Variants in ST6GALNAC5 observed in about 807,000 individuals in gnomAD.
The protein encoded by ST6GALNAC5 is alpha-N-acetylgalactosaminide alpha-2,6-sialyltransferase 5.
In ST6GALNAC5, 27 loss-of-function variants were observed where a neutral mutation model predicts 33.6. That is an observed-to-expected ratio of 0.80 (90% CI 0.59 to 1.11). ST6GALNAC5 has a LOEUF of 1.11. Among genes scored for constraint, ST6GALNAC5 ranks in the 50% least tolerant of loss-of-function variants. The probability of loss-of-function intolerance (pLI) is 0.00; values close to 1 mark genes in which losing one functional copy is unlikely to be tolerated. For missense variants in ST6GALNAC5, 428 were observed against 454.0 expected (o/e 0.94, Z 0.52); for synonymous variants, 194 against 171.2 (o/e 1.13, Z -1.04).
chr1:76,909,586 T>C (rs933305347), intron 2 of ST6GALNAC5, among the ~76,000 whole-genome samples: 2 of 151,950 alleles, frequency 1.3e-5, no homozygotes, highest in South Asian at 4.1e-4. Flanking sequence ...TCTAGTAAAA[T>C]TGTTGCAAAA....
intron 2 of ST6GALNAC5, among the ~76,000 whole-genome samples, chr1:76,973,295 G>T (rs1316298696): frequency 6.6e-6 from 1 of 151,952 alleles, no homozygotes; most frequent in Non-Finnish European, 1.5e-5. Context: ...AAGGAGTTTG[G>T]AAAGGCCAAA....
chr1:76,930,118 T>C (rs2100308451), intron 2 of ST6GALNAC5, among the ~76,000 whole-genome samples: 1 of 152,278 alleles, frequency 6.6e-6, no homozygotes, highest in East Asian at 1.9e-4. Context: ...GGCACATTGC[T>C]TCACTTCAAA....
chr1:76,974,840 T>C (rs116080761), intron 2 of ST6GALNAC5, among the ~76,000 whole-genome samples: 1,499 of 124,794 alleles, frequency 0.012, 28 homozygotes, highest in African/African-American at 0.042. Context: ...TGGAGTGCAA[T>C]AACGTGATCT....
At chr1:77,001,791 T>C (rs1650177949) in intron 2 of ST6GALNAC5, among the ~76,000 whole-genome samples, 3 of 149,216 alleles carry the variant, frequency 2.0e-5, no homozygotes, top group Non-Finnish European at 4.5e-5. Context: ...CTGGATTACA[T>C]TTATTTATTT....
At chr1:77,034,803 G>A (rs2100452128) in intron 2 of ST6GALNAC5, among the ~76,000 whole-genome samples, 1 of 152,254 alleles carries the variant, frequency 6.6e-6, no homozygotes, top group African/African-American at 2.4e-5. Context: ...ACACTTCTAG[G>A]TTGCAACTTA....
Position 77,044,273 on chromosome 1 carries a change from G to A in ST6GALNAC5, c.331G>A (p.Gly111Ser). Residue 111 changes from glycine (G) to serine (S), a missense_variant, in exon 3 of 5, where the codon GGC (glycine) becomes AGC (serine). Coordinates refer to ENST00000477717, the MANE Select transcript of ST6GALNAC5 (RefSeq NM_030965.3). ...SSGHLLHSRQ[G>S]SQIDQTECVI... ...AGGGCATCTGCTGCACAGTCGGCAA[G>A]GCTCCCAGATTGACCAGACAGAGTG... is the stretch of plus-strand genomic sequence containing the variant. The A allele has an allele frequency of 6.2e-6, 10 of 1,613,974 alleles. No homozygotes were observed. Among genetic ancestry groups the A allele is most frequent in the Non-Finnish European group, 8.5e-6 (10 of 1,180,024 alleles).
chr1:77,021,228 C>T (rs1436669525), intron 2 of ST6GALNAC5, among the ~76,000 whole-genome samples: 2 of 152,162 alleles, frequency 1.3e-5, no homozygotes, highest in Non-Finnish European at 2.9e-5. Flanking sequence ...TCAAACCTTT[C>T]TTCCATCCCC....
intron 2 of ST6GALNAC5, among the ~76,000 whole-genome samples, chr1:76,991,615 A>G (rs960547230): frequency 6.6e-6 from 1 of 152,110 alleles, no homozygotes; most frequent in South Asian, 2.1e-4. Context: ...CTTCTCATAG[A>G]CAGGTAACTT....
At chr1:77,057,410 C>G (rs1358337921) in intron 4 of ST6GALNAC5, among the ~76,000 whole-genome samples, 2 of 152,162 alleles carry the variant, frequency 1.3e-5, no homozygotes, top group African/African-American at 4.8e-5. Flanking sequence ...GACACCAGAG[C>G]CTTCAGAAAT....
rs374076554 is a variant in ST6GALNAC5 at position 76,931,031 on chromosome 1, G to A, written c.261+62289G>A. On this transcript the variant is annotated intron_variant, in intron 2 of 4. Coordinates refer to ENST00000477717, the MANE Select transcript of ST6GALNAC5 (RefSeq NM_030965.3). ...ATGGAATATTCATGATGACACATAT[G>A]CAGTAACATGAAAATAAGATGTCAG... is the stretch of plus-strand genomic sequence containing the variant. Among the ~76,000 whole-genome samples the A allele has an allele frequency of 3.3e-5, 5 of 152,048 alleles. No homozygotes were observed. The South Asian group carries it at 1.0e-3, about 32-fold the overall frequency.
At chr1:77,062,891 T>C (rs1480380738) in intron 4 of ST6GALNAC5, 84 bp from the exon 5 acceptor site, 7 of 920,978 alleles carry the variant, frequency 7.6e-6, no homozygotes, top group African/African-American at 3.3e-5. Flanking sequence ...TTTATCAGCT[T>C]ATTAAAGATA....
chr1:77,003,959 A>T (rs937847051), intron 2 of ST6GALNAC5, among the ~76,000 whole-genome samples: 5 of 111,760 alleles, frequency 4.5e-5, no homozygotes, highest in African/African-American at 6.4e-5. Context: ...TGAATCTGAC[A>T]ATTATGTGTC....
At chr1:76,869,828 A>G (rs1653457021) in intron 2 of ST6GALNAC5, among the ~76,000 whole-genome samples, 2 of 152,230 alleles carry the variant, frequency 1.3e-5, no homozygotes, top group African/African-American at 4.8e-5. Context: ...GGATCTTTAA[A>G]TACCTGAGGA....
At chr1:77,017,150 CAAAAA>C (rs11304509) in intron 2 of ST6GALNAC5, among the ~76,000 whole-genome samples, 2 of 104,734 alleles carry the variant, frequency 1.9e-5, no homozygotes, top group Non-Finnish European at 4.2e-5. Context: ...CAGGAAAAGG[CAAAAA>C]AAAAAAAAAA....
chr1:76,899,300 C>T (rs1416760472), intron 2 of ST6GALNAC5, among the ~76,000 whole-genome samples: 1 of 151,340 alleles, frequency 6.6e-6, no homozygotes, highest in African/African-American at 2.4e-5. Flanking sequence ...AGAGAAAAGA[C>T]AGTAGAGACA....
In ST6GALNAC5 at chr1:76,867,549, T is replaced by C. The variant is rs1653367492; in HGVS notation, c.-127T>C. 5 of 1,507,782 alleles carry C rather than the reference T, an allele frequency of 3.3e-6. No individual in the cohort carries two copies. The highest frequency in any genetic ancestry group is 4.6e-6 in the Non-Finnish European group (5 of 1,086,464). The allele number at this position is 1,507,782 out of a possible 1,614,324, so 93.4% of individuals were successfully genotyped here. A position where few individuals can be genotyped will look rare whatever the true frequency, so the allele number is the denominator to read the frequency against. On this transcript the variant is annotated 5_prime_UTR_variant, in exon 1 of 5. Transcript: ENST00000477717. ...GGTCCCGCGGCTCCCGCGCGCGATC[T>C]GCCGCGGCCGGCTGCTGGGCAAAAA...
intron 4 of ST6GALNAC5, among the ~76,000 whole-genome samples, chr1:77,055,434 C>T (rs1652359887): frequency 1.3e-5 from 2 of 152,310 alleles, no homozygotes; most frequent in South Asian, 4.1e-4. Context: ...CATGCTGGCT[C>T]TGTGCTTAAC....
intron 2 of ST6GALNAC5, among the ~76,000 whole-genome samples, chr1:76,907,695 T>A (rs1282288929): frequency 2.0e-5 from 3 of 152,102 alleles, no homozygotes; most frequent in African/African-American, 7.2e-5. Flanking sequence ...CTGGATGCCA[T>A]GTGTTTCATT....
chr1:76,928,563 G>C (rs1647107149), intron 2 of ST6GALNAC5, among the ~76,000 whole-genome samples: 1 of 152,082 alleles, frequency 6.6e-6, no homozygotes, highest in South Asian at 2.1e-4. Flanking sequence ...TAGTTTCCAT[G>C]CCATTTCATT....
Sources: gnomAD v4.1 joint callset for allele counts (sites outside exome capture counted in the v4.1 genomes callset) on GRCh38, gnomAD v4.1.1 for gene constraint, MANE v1.5 for transcripts, NCBI Gene and HGNC (gene_info 2026-07-23, HGNC 2026-07-21) for gene names.